The following RCAN2 variants were observed in gnomAD, a reference collection of about 807,000 sequenced individuals.
RCAN2 encodes the protein calcipressin-2.
A neutral mutation model predicts 23.6 loss-of-function variants in RCAN2; 9 were observed. That is an observed-to-expected ratio of 0.38 (90% CI 0.23 to 0.67). RCAN2 has a LOEUF of 0.67. Ranked by LOEUF, RCAN2 falls within the 30% of genes least tolerant of loss-of-function variation. RCAN2 has a pLI of 0.51. For synonymous variants in RCAN2, 109 were observed against 115.7 expected (o/e 0.94, Z 0.37); for missense variants, 273 against 302.3 (o/e 0.90, Z 0.72).
chr6:46,328,139 A>G (rs976572212), intron 2 of RCAN2, among the ~76,000 whole-genome samples: 3 of 152,148 alleles, frequency 2.0e-5, no homozygotes, highest in Non-Finnish European at 4.4e-5. Flanking sequence ...GCAAAGCCCT[A>G]CTTGAAGTTG....
chr6:46,388,255 A>G (rs1220698665), intron 2 of RCAN2, among the ~76,000 whole-genome samples: 1 of 151,304 alleles, frequency 6.6e-6, no homozygotes, highest in African/African-American at 2.4e-5. Context: ...AGTATAATAA[A>G]TAATAATAAT....
intron 2 of RCAN2, among the ~76,000 whole-genome samples, chr6:46,313,638 G>A (rs558408732): frequency 1.3e-5 from 2 of 152,232 alleles, no homozygotes; most frequent in African/African-American, 2.4e-5. Flanking sequence ...CCAACTTCAA[G>A]AACTATACAA....
At chr6:46,453,658 T>G (rs966765968) in intron 2 of RCAN2, among the ~76,000 whole-genome samples, 1 of 152,208 alleles carries the variant, frequency 6.6e-6, no homozygotes, top group Non-Finnish European at 1.5e-5. Flanking sequence ...AGAAGTTCAA[T>G]TCATAAATTT....
chr6:46,428,071 C>T (rs1165673954), intron 2 of RCAN2, among the ~76,000 whole-genome samples: 1 of 152,112 alleles, frequency 6.6e-6, no homozygotes, highest in Non-Finnish European at 1.5e-5. Flanking sequence ...CACAATTCAG[C>T]TACAGGATGA....
chr6:46,251,924 G>T (rs1766740442), intron 2 of RCAN2, among the ~76,000 whole-genome samples: 1 of 152,142 alleles, frequency 6.6e-6, no homozygotes, highest in African/African-American at 2.4e-5. Flanking sequence ...AACCTGGGGT[G>T]TAGTCCAGAG....
chr6:46,484,436 G>C (rs1405615888), intron 1 of RCAN2, among the ~76,000 whole-genome samples: 2 of 152,060 alleles, frequency 1.3e-5, no homozygotes, highest in East Asian at 3.9e-4. Context: ...AAGCAGAAGG[G>C]GAGCTGGTCA....
intron 2 of RCAN2, among the ~76,000 whole-genome samples, chr6:46,439,648 G>GA (rs1291940192): frequency 1.3e-5 from 2 of 152,196 alleles, no homozygotes; most frequent in Non-Finnish European, 2.9e-5. Context: ...GTTTCTGGGG[G>GA]AAAGACAACC....
At chr6:46,484,269 A>C (rs1051420851) in intron 1 of RCAN2, among the ~76,000 whole-genome samples, 1 of 152,222 alleles carries the variant, frequency 6.6e-6, no homozygotes, top group Admixed American at 6.5e-5. Flanking sequence ...CTTTGAAAAG[A>C]CTAATTTGAA....
intron 2 of RCAN2, among the ~76,000 whole-genome samples, chr6:46,273,880 A>G (rs1767600528): frequency 1.3e-5 from 2 of 151,134 alleles, no homozygotes; most frequent in African/African-American, 2.4e-5. Flanking sequence ...TTAAATCATG[A>G]GTTGTGTGTT....
At chr6:46,409,564 A>G (rs922592453) in intron 2 of RCAN2, among the ~76,000 whole-genome samples, 9 of 152,188 alleles carry the variant, frequency 5.9e-5, no homozygotes, top group African/African-American at 1.9e-4. Flanking sequence ...AAAGTACTAG[A>G]TCACTTTTTC....
chr6:46,300,971 A>G (rs911032343), intron 2 of RCAN2, among the ~76,000 whole-genome samples: 2 of 149,974 alleles, frequency 1.3e-5, no homozygotes, highest in African/African-American at 4.9e-5. Flanking sequence ...CTCTTTTGTC[A>G]TTTTTTTTTT....
intron 2 of RCAN2, among the ~76,000 whole-genome samples, chr6:46,299,296 T>C (rs932783187): frequency 6.6e-6 from 1 of 152,026 alleles, no homozygotes; most frequent in African/African-American, 2.4e-5. Flanking sequence ...AGTCACATCA[T>C]CAATGCATAT....
chr6:46,269,745 C>T (rs953896852), intron 2 of RCAN2, among the ~76,000 whole-genome samples: 1 of 152,178 alleles, frequency 6.6e-6, no homozygotes, highest in Non-Finnish European at 1.5e-5. Context: ...TCAGGATCAA[C>T]ACCTGTGGAG....
At chr6:46,274,160 T>C (rs1439372963) in intron 2 of RCAN2, among the ~76,000 whole-genome samples, 1 of 152,234 alleles carries the variant, frequency 6.6e-6, no homozygotes, top group Non-Finnish European at 1.5e-5. Context: ...CAAGAAGGTA[T>C]TCAACCTGCA....
intron 2 of RCAN2, among the ~76,000 whole-genome samples, chr6:46,270,424 G>A (rs528176899): frequency 2.0e-5 from 3 of 152,266 alleles, no homozygotes; most frequent in African/African-American, 4.8e-5. Context: ...GGTTCCCCTC[G>A]GCTCTTCGAG....
At chr6:46,456,074 G>A (rs1768018774) in intron 2 of RCAN2, among the ~76,000 whole-genome samples, 1 of 152,154 alleles carries the variant, frequency 6.6e-6, no homozygotes, top group Non-Finnish European at 1.5e-5. Flanking sequence ...AATATTTACT[G>A]TGATTGCCAA....
chr6:46,331,296 A>T (rs889492343), intron 2 of RCAN2, among the ~76,000 whole-genome samples: 12 of 151,564 alleles, frequency 7.9e-5, no homozygotes, highest in Non-Finnish European at 1.6e-4. Context: ...CAGGCTTGAG[A>T]CACTGCACTC....
At chr6:46,251,258 G>A (rs549953804) in intron 2 of RCAN2, among the ~76,000 whole-genome samples, 4 of 152,164 alleles carry the variant, frequency 2.6e-5, no homozygotes, top group African/African-American at 7.2e-5. Flanking sequence ...GTCTCATTAC[G>A]GAATTGTGTC....
At position 46,456,763 on chromosome 6, in the gene RCAN2, C is replaced by T. The variant is rs1768045140; in HGVS notation, c.214G>A (p.Glu72Lys). Residue 72 changes from glutamate to lysine, a missense_variant, in exon 2 of 5, where the codon GAA (glutamate) becomes AAA (lysine). Coordinates refer to ENST00000371374, the MANE Select transcript of RCAN2 (RefSeq NM_001251974.2). The part of the protein sequence containing the change: ...CNVHQSVFEG[E>K]ESKEKFEGLF... ...AAAAGGCAGCTTACCTTGCTCTCTT[C>T]TCCTTCAAACACTGACTGGTGAACA... 1.9e-6 allele frequency: 3 copies of T among 1,550,360 alleles called. No homozygotes were observed. Among genetic ancestry groups the T allele is most frequent in the Non-Finnish European group, 2.6e-6 (3 of 1,146,622 alleles).
Sources: gnomAD v4.1 joint callset for allele counts (sites outside exome capture counted in the v4.1 genomes callset) on GRCh38, gnomAD v4.1.1 for gene constraint, MANE v1.5 for transcripts, NCBI Gene and HGNC (gene_info 2026-07-23, HGNC 2026-07-21) for gene names.